The following TMEM132B variants were observed in gnomAD, a reference collection of about 807,000 sequenced individuals.
TMEM132B encodes transmembrane protein 132B.
A neutral mutation model predicts 90.8 loss-of-function variants in TMEM132B; 18 were observed. The ratio of observed to expected loss-of-function variants is 0.20; its 90% confidence interval spans 0.14 to 0.29. The LOEUF (loss-of-function observed/expected upper bound fraction) is 0.29, where lower values mean the gene tolerates loss of function less well. Ranked by LOEUF, TMEM132B falls within the 10% of genes least tolerant of loss-of-function variation. TMEM132B has a pLI of 1.00. For synonymous variants in TMEM132B, 504 were observed against 523.3 expected (o/e 0.96, Z 0.50); for missense variants, 1,096 against 1,326.8 (o/e 0.83, Z 2.70).
intron 1 of TMEM132B, among the ~76,000 whole-genome samples, chr12:125,203,006 C>T (rs1014230490): frequency 2.6e-5 from 4 of 152,188 alleles, no homozygotes; most frequent in African/African-American, 7.2e-5. Flanking sequence ...TCTCAGATCC[C>T]GTTGCCTGGC....
intron 1 of TMEM132B, among the ~76,000 whole-genome samples, chr12:125,309,874 T>C (rs1876082527): frequency 6.6e-6 from 1 of 152,176 alleles, no homozygotes; most frequent in South Asian, 2.1e-4. Context: ...CTGTCTTTGG[T>C]CCACTTGTTG....
intron 4 of TMEM132B, among the ~76,000 whole-genome samples, chr12:125,577,172 TTATAGA>T (rs999955984): frequency 1.3e-5 from 2 of 151,956 alleles, no homozygotes; most frequent in African/African-American, 4.8e-5. Context: ...TCTTTATCAG[TTATAGA>T]TATTGAAATT....
At chr12:125,639,164 TC>T (rs1239816764) in intron 5 of TMEM132B, among the ~76,000 whole-genome samples, 1 of 152,062 alleles carries the variant, frequency 6.6e-6, no homozygotes, top group African/African-American at 2.4e-5. Context: ...CACCCCTCCT[TC>T]CCCTGCCAAT....
rs1272872214 is a variant in TMEM132B, at chr12:125,583,932, G to T, written c.1375G>T (p.Gly459Cys). The change falls in exon 5 of 9, where the codon GGT (glycine) becomes TGT (cysteine). Residue 459 changes from glycine to cysteine, a missense_variant. Gly to Cys is a radical substitution (Grantham distance 159). Coordinates refer to ENST00000682704, the MANE Select transcript of TMEM132B (RefSeq NM_001366854.1). ...CAAAGTCGTGGGGGTCCAGGAGGAT[G>T]GTTCTGTGGTCGATGTGTCTGAGTC... ...PVKVVGVQED[G>C]SVVDVSESVE... is the part of the protein sequence containing the mutation. The T allele has an allele frequency of 6.2e-7, 1 of 1,614,192 alleles. No homozygotes were observed. Among genetic ancestry groups the T allele is most frequent in the African/African-American group, 1.3e-5 (1 of 75,042 alleles).
chr12:125,343,959 A>T (rs1047796419), intron 1 of TMEM132B, among the ~76,000 whole-genome samples: 1 of 152,212 alleles, frequency 6.6e-6, no homozygotes, highest in Non-Finnish European at 1.5e-5. Flanking sequence ...ACACAGAGAG[A>T]TTTATTCTCT....
intron 1 of TMEM132B, among the ~76,000 whole-genome samples, chr12:125,237,641 G>T (rs756988985): frequency 6.6e-6 from 1 of 152,076 alleles, no homozygotes; most frequent in Non-Finnish European, 1.5e-5. Flanking sequence ...TAGAGATGGG[G>T]TTTCACCGTG....
chr12:125,436,872 C>T (rs982016871), intron 3 of TMEM132B, among the ~76,000 whole-genome samples: 1 of 152,154 alleles, frequency 6.6e-6, no homozygotes, highest in Non-Finnish European at 1.5e-5. Context: ...AGCCCATCTT[C>T]TCCAAGTCTC....
At position 125,459,626 on chromosome 12, in the gene TMEM132B, G is replaced by A. The variant is rs1021852001; in HGVS notation, c.1106+43949G>A. Among the ~76,000 whole-genome samples, 1 of 152,206 alleles carries A rather than the reference G, an allele frequency of 6.6e-6. No individual in the cohort carries two copies. The highest frequency in any genetic ancestry group is 6.5e-5 in the Admixed American group (1 of 15,280). ...TTGATAGCACAACAGGGTGACTGTA[G>A]TCAATAATAATTTAATTGTATGTTT... is the stretch of plus-strand genomic sequence containing the variant. On this transcript the variant is annotated intron_variant, in intron 3 of 8. Transcript: ENST00000682704. This position sits in a 1 kb window ranked among gnomAD's most constrained non-coding sequence, Gnocchi z 4.1.
At chr12:125,606,229 A>G (rs1286839417) in intron 5 of TMEM132B, among the ~76,000 whole-genome samples, 1 of 152,188 alleles carries the variant, frequency 6.6e-6, no homozygotes, top group African/African-American at 2.4e-5. Context: ...CATGAGTTAA[A>G]ATATGAATGA....
At chr12:125,651,394 A>G (rs1886916058) in intron 7 of TMEM132B, among the ~76,000 whole-genome samples, 1 of 152,216 alleles carries the variant, frequency 6.6e-6, no homozygotes, top group Non-Finnish European at 1.5e-5. Context: ...TTAAAAATAT[A>G]ATAATCCGTA....
intron 1 of TMEM132B, among the ~76,000 whole-genome samples, chr12:125,293,132 TG>T (rs1292925457): frequency 5.9e-5 from 9 of 152,148 alleles, no homozygotes; most frequent in Non-Finnish European, 1.3e-4. Flanking sequence ...GGGGATAAAT[TG>T]ATGGCCAGGG....
intron 3 of TMEM132B, among the ~76,000 whole-genome samples, chr12:125,465,309 T>C (rs1438109631): frequency 6.6e-6 from 1 of 152,224 alleles, no homozygotes; most frequent in Non-Finnish European, 1.5e-5. Flanking sequence ...TAAGGTCCAA[T>C]GATGAAAAGT....
intron 5 of TMEM132B, among the ~76,000 whole-genome samples, chr12:125,606,034 T>G (rs1425697231): frequency 1.3e-5 from 2 of 152,016 alleles, no homozygotes; most frequent in Non-Finnish European, 2.9e-5. Context: ...GAGGGAGAGA[T>G]ATGAAAAGCT....
At chr12:125,462,164 A>C (rs1278533063) in intron 3 of TMEM132B, among the ~76,000 whole-genome samples, 1 of 152,226 alleles carries the variant, frequency 6.6e-6, no homozygotes, top group East Asian at 1.9e-4. Context: ...GTTAATCAGA[A>C]TAAAGGGAAT....
chr12:125,241,770 G>GAAA (rs1874074156), intron 1 of TMEM132B, among the ~76,000 whole-genome samples: 1 of 152,152 alleles, frequency 6.6e-6, no homozygotes, highest in Admixed American at 6.5e-5. Context: ...GGCACCCCTA[G>GAAA]GAAACTAACA....
At chr12:125,301,363 C>T (rs1875818814) in intron 1 of TMEM132B, 1 of 152,212 alleles carries the variant, frequency 6.6e-6, no homozygotes, top group African/African-American at 2.4e-5. Context: ...CTGAGCAGGG[C>T]TCGTGCCTTG....
intron 4 of TMEM132B, among the ~76,000 whole-genome samples, chr12:125,566,973 A>G (rs1442984174): frequency 6.6e-6 from 1 of 151,086 alleles, no homozygotes; most frequent in African/African-American, 2.4e-5. Context: ...CCTCCAGAAT[A>G]GCTGGGATTA....
chr12:125,191,121 T>G (rs1872776629), intron 1 of TMEM132B, among the ~76,000 whole-genome samples: 1 of 94,480 alleles, frequency 1.1e-5, no homozygotes, highest in Non-Finnish European at 2.1e-5. Context: ...GTGGTGGTGA[T>G]GGTGACAGTG....
intron 1 of TMEM132B, among the ~76,000 whole-genome samples, chr12:125,316,350 T>C (rs1566000026): frequency 6.6e-6 from 1 of 152,230 alleles, no homozygotes; most frequent in Non-Finnish European, 1.5e-5. Context: ...AGTGGCTGCA[T>C]GGCCTGCCCC....
Sources: allele counts gnomAD v4.1 joint callset (sites outside exome capture counted in the v4.1 genomes callset), GRCh38; gene constraint gnomAD v4.1.1; non-coding constraint Gnocchi (gnomAD v3.1); transcripts MANE v1.5; gene names NCBI Gene and HGNC (gene_info 2026-07-23, HGNC 2026-07-21).